GREB1: variants seen among roughly 807,000 people sequenced by gnomAD.
GREB1 encodes growth regulating estrogen receptor binding 1, also known as protein GREB1.
GREB1 carries 106 observed loss-of-function variants against 200.7 expected under a neutral mutation model. That is an observed-to-expected ratio of 0.53 (90% CI 0.45 to 0.62). The LOEUF is 0.62. Ranked by LOEUF, GREB1 falls within the 20% of genes least tolerant of loss-of-function variation. The pLI, the probability that GREB1 is intolerant of heterozygous loss-of-function variation, is 0.00. For missense variants in GREB1, 2,243 were observed against 2,556.8 expected (o/e 0.88, Z 2.65); for synonymous variants, 1,132 against 1,092.4 (o/e 1.04, Z -0.72).
At chr2:11,587,620 A>G in intron 9 of GREB1, 7 of 1,447,222 alleles carry the variant, frequency 4.8e-6, no homozygotes, top group African/African-American at 1.4e-5. Context: ...CCAGCAGGAC[A>G]TCTGCATATA....
At chr2:11,568,890 C>G (rs1232053743) in intron 4 of GREB1, among the ~76,000 whole-genome samples, 2 of 152,214 alleles carry the variant, frequency 1.3e-5, no homozygotes, top group African/African-American at 2.4e-5. Flanking sequence ...ACTTTATGCT[C>G]TCAGCTTGCA....
chr2:11,607,479 CATACATATATATACACATATAT>C (rs1682437726), intron 17 of GREB1, among the ~76,000 whole-genome samples: 1 of 143,230 alleles, frequency 7.0e-6, no homozygotes, highest in Non-Finnish European at 1.5e-5. Context: ...TATACACACA[CATACATATATATACACATATAT>C]ATACATATAT....
At chr2:11,627,158 TCC>T in intron 25 of GREB1, 54 bp downstream of exon 25, 1 of 1,472,992 alleles carries the variant, frequency 6.8e-7, no homozygotes. Flanking sequence ...CATTGTCCGT[TCC>T]CCTGCTCTCT....
chr2:11,553,600 C>A lies in GREB1; in HGVS notation c.-161-2854C>A, dbSNP rs371601096. Among the ~76,000 whole-genome samples the A allele has an allele frequency of 3.2e-3, 486 of 151,896 alleles. 5 individuals carry two copies. Among genetic ancestry groups the A allele is most frequent in the African/African-American group, 0.011 (459 of 41,412 alleles). On this transcript the variant is annotated intron_variant, in intron 1 of 32. Coordinates refer to ENST00000381486, the MANE Select transcript of GREB1 (RefSeq NM_014668.4). The stretch of plus-strand genomic sequence containing the variant: ...TTTTTTTTTCAGCAAGCGTTTCTGC[C>A]GGCTATGTATCTCTAGATTCAAATG...
At chr2:11,604,123 A>T (rs1361912538) in intron 17 of GREB1, among the ~76,000 whole-genome samples, 1 of 152,182 alleles carries the variant, frequency 6.6e-6, no homozygotes, top group East Asian at 1.9e-4. Flanking sequence ...AACCTTGGCA[A>T]ATCATCTAAC....
At chr2:11,627,171 C>G in intron 25 of GREB1, 67 bp downstream of exon 25, 1 of 1,405,802 alleles carries the variant, frequency 7.1e-7, no homozygotes, top group South Asian at 1.5e-5. Flanking sequence ...CCTGCTCTCT[C>G]ACGCTTTCAT....
intron 7 of GREB1, chr2:11,581,372 C>A: frequency 4.4e-6 from 1 of 228,492 alleles, no homozygotes; most frequent in Non-Finnish European, 8.5e-6. Context: ...TCATCCAAAT[C>A]AGCCTCATTG....
chr2:11,557,676 T>G lies in GREB1; in HGVS notation c.157+905T>G, dbSNP rs143898088. Among the ~76,000 whole-genome samples, 142 of 152,318 alleles carry G rather than the reference T, an allele frequency of 9.3e-4. 1 individual carries two copies. The highest frequency in any genetic ancestry group is 3.4e-3 in the Middle Eastern group (1 of 294). On this transcript the variant is annotated intron_variant, in intron 2 of 32. Coordinates refer to ENST00000381486, the MANE Select transcript of GREB1 (RefSeq NM_014668.4). ...TGTGTGAGATCTGATAGTTGCTTAT[T>G]CTAGCAGGAGGCATTTCTGTGTCAT...
In GREB1 at chr2:11,585,181, C is replaced by T. The variant is rs763693576; in HGVS notation, c.922C>T (p.Pro308Ser). The T allele has an allele frequency of 1.9e-6, 3 of 1,574,454 alleles. No individual in the cohort carries two copies. The Admixed American group carries it at 5.9e-5, about 31-fold the overall frequency. ...TCTAGGTATCTTGTCAAACTCCGGGCCCCCCAAAAAACGCCACAAAGGGTG... is the reference window on the plus strand; with the variant it reads ...TCTAGGTATCTTGTCAAACTCCGGGTCCCCCAAAAAACGCCACAAAGGGTG... ...SALGILSNSG[P>S]PKKRHKGWSP... is the part of the protein sequence containing the mutation. The change falls in exon 8 of 33, where the codon CCC becomes TCC. Residue 308 changes from proline (P) to serine (S), a missense_variant. Transcript: ENST00000381486.
intron 8 of GREB1, 49 bp downstream of exon 8, chr2:11,585,323 T>C: frequency 8.7e-7 from 1 of 1,145,546 alleles, no homozygotes; most frequent in Non-Finnish European, 1.2e-6. Context: ...GTACTGGTGG[T>C]AGTGCTGCTG....
intron 1 of GREB1, among the ~76,000 whole-genome samples, chr2:11,511,161 C>T (rs1673339461): frequency 6.6e-6 from 1 of 152,162 alleles, no homozygotes; most frequent in African/African-American, 2.4e-5. Context: ...TTCACAAGAA[C>T]GAAGCTTTTT....
At chr2:11,635,180 G>C in intron 29 of GREB1, 90 bp from the exon 30 acceptor site, 1 of 1,505,664 alleles carries the variant, frequency 6.6e-7, no homozygotes, top group Non-Finnish European at 9.1e-7. Flanking sequence ...AGCCCCCTAC[G>C]ATGGGGACCC....
At chr2:11,488,664 G>C (rs910442599) in intron 1 of GREB1, among the ~76,000 whole-genome samples, 1 of 151,838 alleles carries the variant, frequency 6.6e-6, no homozygotes, top group African/African-American at 2.4e-5. Flanking sequence ...AGTGGTGGGC[G>C]CCTGTAATCC....
intron 9 of GREB1, 130 bp from the exon 10 acceptor site, chr2:11,588,615 GA>G: frequency 1.2e-6 from 1 of 844,698 alleles, no homozygotes; most frequent in South Asian, 1.4e-5. Context: ...GGCTTCCCAG[GA>G]CAGGGCACTC....
intron 1 of GREB1, among the ~76,000 whole-genome samples, chr2:11,513,125 G>A (rs1052830551): frequency 6.6e-6 from 1 of 152,168 alleles, no homozygotes. Flanking sequence ...TATTCATAAC[G>A]AAGACTATGT....
At chr2:11,630,891 C>T (rs1276416837) in intron 26 of GREB1, among the ~76,000 whole-genome samples, 1 of 152,214 alleles carries the variant, frequency 6.6e-6, no homozygotes, top group Non-Finnish European at 1.5e-5. Flanking sequence ...CAAGGCAGGC[C>T]ATGTGGAGAA....
chr2:11,519,629 T>G (rs1673638910), intron 1 of GREB1, among the ~76,000 whole-genome samples: 1 of 151,776 alleles, frequency 6.6e-6, no homozygotes, highest in African/African-American at 2.4e-5. Context: ...CTAATTTTTG[T>G]GTTTCTTAGT....
chr2:11,543,162 A>C (rs920443703), intron 1 of GREB1, among the ~76,000 whole-genome samples: 2 of 152,198 alleles, frequency 1.3e-5, no homozygotes, highest in African/African-American at 4.8e-5. Context: ...GGAAGCTGGC[A>C]GAAGGGGGGA....
At chr2:11,537,054 C>A (rs546343854) in intron 1 of GREB1, among the ~76,000 whole-genome samples, 1 of 152,252 alleles carries the variant, frequency 6.6e-6, no homozygotes, top group South Asian at 2.1e-4. Context: ...CCTCCTCCTC[C>A]TGGGTTCAAG....
Sources: allele counts gnomAD v4.1 joint callset (sites outside exome capture counted in the v4.1 genomes callset), GRCh38; gene constraint gnomAD v4.1.1; transcripts MANE v1.5; gene names NCBI Gene and HGNC (gene_info 2026-07-23, HGNC 2026-07-21).